FKBP5: variants seen among roughly 807,000 people sequenced by gnomAD.
FKBP5 encodes FKBP prolyl isomerase 5.
In FKBP5, 23 loss-of-function variants were observed where a neutral mutation model predicts 50.5. The observed-to-expected ratio is 0.46, with a 90% CI of 0.33 to 0.65. The LOEUF is 0.65. Ranked by LOEUF, FKBP5 falls within the 30% of genes least tolerant of loss-of-function variation. The pLI is 0.02. For synonymous variants in FKBP5, 176 were observed against 190.6 expected, an observed-to-expected ratio of 0.92 and a Z score of 0.63; for missense variants, 411 against 553.1, an observed-to-expected ratio of 0.74 and a Z score of 2.58.
At chr6:35,706,745 T>G (rs181501403) in intron 2 of FKBP5, among the ~76,000 whole-genome samples, 1 of 152,204 alleles carries the variant, frequency 6.6e-6, no homozygotes, top group South Asian at 2.1e-4. Flanking sequence ...CTCCTACATG[T>G]TGGCCAAACT....
intron 2 of FKBP5, among the ~76,000 whole-genome samples, chr6:35,719,469 G>A (rs1766567612): frequency 6.6e-6 from 1 of 152,318 alleles, no homozygotes; most frequent in South Asian, 2.1e-4. Context: ...GATGTGGAAT[G>A]TATGTACATT....
At chr6:35,582,268 A>G in intron 8 of FKBP5, 2 of 985,362 alleles carry the variant, frequency 2.0e-6, no homozygotes, top group Non-Finnish European at 2.4e-6. Flanking sequence ...TTTTATTTTA[A>G]ATGCTGAAAT....
intron 1 of FKBP5, among the ~76,000 whole-genome samples, chr6:35,650,162 A>G (rs1764756337): frequency 6.6e-6 from 1 of 152,142 alleles, no homozygotes; most frequent in Non-Finnish European, 1.5e-5. Context: ...AGCTTGGGCA[A>G]CACAGTGAGA....
chr6:35,606,696 A>AG (rs1763332459), intron 5 of FKBP5, among the ~76,000 whole-genome samples: 4 of 127,172 alleles, frequency 3.1e-5, no homozygotes, highest in African/African-American at 1.2e-4. Context: ...AAAAAAAAAA[A>AG]GTCAAAAAAG....
chr6:35,670,858 A>G (rs2151004469), intron 1 of FKBP5, among the ~76,000 whole-genome samples: 1 of 152,348 alleles, frequency 6.6e-6, no homozygotes, highest in East Asian at 1.9e-4. Context: ...AAAAAGGGAA[A>G]AAACTCAGTC....
In FKBP5 at chr6:35,584,739, C is replaced by T; in HGVS notation, c.840+2295G>A. 4 of 985,430 alleles carry T rather than the reference C, an allele frequency of 4.1e-6. No homozygotes were observed. In the South Asian group the frequency reaches 1.9e-4, roughly 46 times the overall value. The allele number at this position is 985,430 out of a possible 1,614,324, so 61.0% of individuals were successfully genotyped here. ...CTCAGGTCAGTGGTTTTGAACCTTT[C>T]ATTAATTTTTCCCCAATGGACTAAT... is the stretch of plus-strand genomic sequence containing the variant. On this transcript the variant is annotated intron_variant, in intron 8 of 10. Coordinates refer to ENST00000357266, the MANE Select transcript of FKBP5 (RefSeq NM_004117.4).
intron 1 of FKBP5, among the ~76,000 whole-genome samples, chr6:35,653,984 G>A: frequency 6.6e-6 from 1 of 152,014 alleles, no homozygotes; most frequent in East Asian, 1.9e-4. Context: ...ATTACCTTCA[G>A]GCTGTGTGTA....
At chr6:35,588,767 A>ATT (rs758119749) in intron 7 of FKBP5, among the ~76,000 whole-genome samples, 4 of 135,718 alleles carry the variant, frequency 2.9e-5, no homozygotes, top group Admixed American at 7.5e-5. Context: ...TGTCCAGCTA[A>ATT]TTTTTTTTTT....
At chr6:35,718,272 G>T (rs943851754) in intron 2 of FKBP5, among the ~76,000 whole-genome samples, 1 of 152,222 alleles carries the variant, frequency 6.6e-6, no homozygotes, top group African/African-American at 2.4e-5. Context: ...GCTCGCGAGA[G>T]CCAGAGGTCC....
intron 8 of FKBP5, 107 bp from the exon 9 acceptor site, chr6:35,580,328 G>T: frequency 1.1e-6 from 1 of 876,758 alleles, no homozygotes; most frequent in Non-Finnish European, 1.8e-6. Flanking sequence ...GGTACAGCTG[G>T]TTTCTTTCTT....
chr6:35,697,420 G>A (rs1050289600), intron 2 of FKBP5, among the ~76,000 whole-genome samples: 2 of 151,978 alleles, frequency 1.3e-5, no homozygotes, highest in African/African-American at 2.4e-5. Flanking sequence ...GGTGGCCCAT[G>A]CCTGTAATCC....
chr6:35,675,808 C>CT (rs1360621191), intron 1 of FKBP5, among the ~76,000 whole-genome samples: 1 of 152,134 alleles, frequency 6.6e-6, no homozygotes, highest in Non-Finnish European at 1.5e-5. Flanking sequence ...ATCATCGAAA[C>CT]TTAGGATTTT....
intron 1 of FKBP5, among the ~76,000 whole-genome samples, chr6:35,724,650 G>A (rs149880928): frequency 9.8e-4 from 149 of 152,150 alleles, no homozygotes; most frequent in Non-Finnish European, 1.6e-3. Context: ...CGTTTACTCA[G>A]GAGGCTGAGG....
intron 5 of FKBP5, among the ~76,000 whole-genome samples, chr6:35,615,157 C>CAACT (rs1554132908): frequency 7.9e-6 from 1 of 126,992 alleles, no homozygotes; most frequent in African/African-American, 3.8e-5. Context: ...ACAACAACTA[C>CAACT]ACACACACAC....
At chr6:35,727,942 A>C (rs1766752769) in intron 1 of FKBP5, among the ~76,000 whole-genome samples, 3 of 152,176 alleles carry the variant, frequency 2.0e-5, no homozygotes, top group Non-Finnish European at 4.4e-5. Flanking sequence ...GTGAGTGGGC[A>C]GGGCTGCGGG....
chr6:35,712,204 C>T (rs907825158), intron 2 of FKBP5, among the ~76,000 whole-genome samples: 4 of 151,758 alleles, frequency 2.6e-5, no homozygotes, highest in Non-Finnish European at 4.4e-5. Context: ...AAATAGCTTG[C>T]GAATAATTGT....
intron 1 of FKBP5, among the ~76,000 whole-genome samples, chr6:35,666,394 T>TAAAAAAAAAAAAAAA (rs550878351): frequency 0.012 from 391 of 33,244 alleles, 88 homozygotes; most frequent in East Asian, 0.017. Context: ...CTATTATAGT[T>TAAAAAAAAAAAAAAA]AAAAAAAAAA....
intron 7 of FKBP5, among the ~76,000 whole-genome samples, chr6:35,588,336 G>C (rs1195471156): frequency 6.6e-6 from 1 of 152,088 alleles, no homozygotes; most frequent in Non-Finnish European, 1.5e-5. Context: ...CTTTTTAAAA[G>C]TGAATAATAA....
At chr6:35,682,629 C>T (rs1765698768) in intron 1 of FKBP5, among the ~76,000 whole-genome samples, 1 of 152,146 alleles carries the variant, frequency 6.6e-6, no homozygotes, top group South Asian at 2.1e-4. Context: ...TTTACCACTG[C>T]CCACTTAGGA....
Sources: allele counts gnomAD v4.1 joint callset (sites outside exome capture counted in the v4.1 genomes callset), GRCh38; gene constraint gnomAD v4.1.1; transcripts MANE v1.5; gene names NCBI Gene and HGNC (gene_info 2026-07-23, HGNC 2026-07-21).